LTBP4: variants seen among roughly 807,000 people sequenced by gnomAD.
LTBP4 encodes the protein latent-transforming growth factor beta-binding protein 4.
A neutral mutation model predicts 180.2 loss-of-function variants in LTBP4; 93 were observed. The ratio of observed to expected loss-of-function variants is 0.52; its 90% CI spans 0.44 to 0.61. The LOEUF (loss-of-function observed/expected upper bound fraction) is 0.61. Among genes scored for constraint, LTBP4 ranks in the 20% least tolerant of loss-of-function variants. The pLI is 0.00. For synonymous variants in LTBP4, 947 were observed against 934.5 expected (o/e 1.01, Z -0.24); for missense variants, 2,116 against 2,256.5 (o/e 0.94, Z 1.26).
chr19:40,610,140 C>G lies in LTBP4; in HGVS notation c.1684+269C>G, dbSNP rs1171856874. On this transcript the variant is annotated intron_variant, in intron 11 of 29. Coordinates refer to ENST00000396819, the MANE Select transcript of LTBP4 (RefSeq NM_001042545.2). ...GCTCCGCCCCCACGCCCAGGCCCCG[C>G]CCTTATTGGCCACGCCCCTCCCTGA... 3 of 518,478 alleles carry G rather than the reference C, an allele frequency of 5.8e-6. No homozygotes were observed. The African/African-American group carries it at 5.8e-5, about 10-fold the overall frequency. 32.1% of individuals were successfully genotyped at this position (518,478 alleles called of 1,614,324 possible).
At chr19:40,599,330 C>G, upstream of LTBP4, 1 of 1,611,268 alleles carries the variant, frequency 6.2e-7, no homozygotes, top group African/African-American at 1.3e-5. Context: ...CTCCCCATCC[C>G]TCCCCTCATC....
In LTBP4 at chr19:40,616,315, ATGGGGTGGCT is replaced by A. The variant is rs1568409763; in HGVS notation, c.2813-573_2813-564del. On this transcript the variant is annotated intron_variant, in intron 19 of 29. Coordinates refer to ENST00000396819, the MANE Select transcript of LTBP4 (RefSeq NM_001042545.2). ...TTTAAAAAAAAGAAAAAAAAGCTGG[ATGGGGTGGCT>A]CATGCCTATAATCCCAGCACTTTGG... Among the ~76,000 whole-genome samples, 379 of 118,600 alleles carry A rather than the reference ATGGGGTGGCT, an allele frequency of 3.2e-3. 3 individuals carry two copies. The highest frequency in any genetic ancestry group is 0.015 in the African/African-American group (358 of 23,162). The allele number at this position is 118,600 out of a possible 152,430, so 77.8% of individuals were successfully genotyped here. A position where few individuals can be genotyped will look rare whatever the true frequency, so the allele number is the denominator to read the frequency against.
In LTBP4 at chr19:40,606,610, C is replaced by T. The variant is rs180953059; in HGVS notation, c.991+84C>T. 1.1e-3 allele frequency: 1,673 copies of T among 1,492,130 alleles called. 14 individuals carry two copies. The African/African-American group carries it at 0.018, about 16-fold the overall frequency. The allele number at this position is 1,492,130 out of a possible 1,614,324, so 92.4% of individuals were successfully genotyped here. The stretch of plus-strand genomic sequence containing the variant: ...AGAGCATCCTGGGGCCTTTAATTCC[C>T]TCGGACCCCCCCAGACTCCCGGGTT... On this transcript the variant is annotated intron_variant, in intron 6 of 29. Coordinates refer to ENST00000396819, the MANE Select transcript of LTBP4 (RefSeq NM_001042545.2).
At chr19:40,617,258 G>T (rs762169238) in intron 21 of LTBP4, 33 bp downstream of exon 21, 1 of 1,598,304 alleles carries the variant, frequency 6.3e-7, no homozygotes, top group Admixed American at 1.7e-5. Context: ...TGGGACCAAA[G>T]GGGGTGGGGG....
chr19:40,609,928 C>G lies in LTBP4; in HGVS notation c.1684+57C>G. The stretch of plus-strand genomic sequence containing the variant: ...CACCCCAGGGTCTCGCTCCTGCTCT[C>G]ACTCCAGAGCCTCTCCAGCCCTCCC... On this transcript the variant is annotated intron_variant, in intron 11 of 29. Transcript: ENST00000396819. The surrounding 1 kb of genome is among the most constrained non-coding windows in gnomAD (Gnocchi z 4.9). 1 of 1,468,208 alleles carries G rather than the reference C, an allele frequency of 6.8e-7. No individual in the cohort carries two copies. The allele number at this position is 1,468,208 out of a possible 1,614,324, so 90.9% of individuals were successfully genotyped here.
intron 12 of LTBP4, chr19:40,610,871 G>T: frequency 1.3e-6 from 1 of 789,976 alleles, no homozygotes. Context: ...CATGAAAGAT[G>T]GAGAAGCAGA....
intron 18 of LTBP4, 35 bp downstream of exon 18, chr19:40,614,073 C>G: frequency 6.2e-7 from 1 of 1,606,954 alleles, no homozygotes; most frequent in Non-Finnish European, 8.5e-7. Flanking sequence ...TCCCTCCTCC[C>G]TTCGACTCCC....
chr19:40,595,733 A>G (rs561899268), intron 1 of LTBP4, among the ~76,000 whole-genome samples: 20 of 151,670 alleles, frequency 1.3e-4, no homozygotes, highest in Non-Finnish European at 2.7e-4. Context: ...GTATTTATTT[A>G]TTATTGAGAT....
At chr19:40,599,743 T>A, upstream of LTBP4, 1 of 602,506 alleles carries the variant, frequency 1.7e-6, no homozygotes, top group Non-Finnish European at 2.9e-6. Context: ...GCTCTTCCCA[T>A]CTCTGCATTA....
chr19:40,597,958 G>A (rs1208243891), upstream of LTBP4, among the ~76,000 whole-genome samples: 3 of 152,114 alleles, frequency 2.0e-5, no homozygotes, highest in African/African-American at 4.8e-5. Context: ...AACGGTTGGG[G>A]ATGCTCAAGT....
chr19:40,623,910 A>T, intron 25 of LTBP4, 26 bp from the exon 26 acceptor site: 2 of 1,612,796 alleles, frequency 1.2e-6, no homozygotes, highest in Non-Finnish European at 1.7e-6. Flanking sequence ...GTTGAAGGGG[A>T]TGCCTCTTAA....
chr19:40,606,483 C>T lies in LTBP4; in HGVS notation c.948C>T (p.Cys316=). 6.3e-7 allele frequency: 1 copy of T among 1,578,288 alleles called. No homozygotes were observed. Among genetic ancestry groups the T allele is most frequent in the Non-Finnish European group, 8.6e-7 (1 of 1,163,234 alleles). Residue 316 remains cysteine, a synonymous_variant, in exon 6 of 30, where the codon TGC becomes TGT. Transcript: ENST00000396819. The part of the protein sequence containing the change: ...ANTRGGYTCV[C]PDGFLLDSSR... ...CGCGCGGCGGGTACACGTGTGTGTG[C>T]CCCGACGGCTTTCTGCTCGACTCGT...
At chr19:40,627,402 T>A in intron 28 of LTBP4, 47 bp downstream of exon 28, 1 of 1,454,182 alleles carries the variant, frequency 6.9e-7, no homozygotes, top group Non-Finnish European at 9.0e-7. Flanking sequence ...GGGTGAGGTG[T>A]GCACGGAGAG....
At chr19:40,619,565 G>A in intron 22 of LTBP4, 72 bp downstream of exon 22, 2 of 1,473,098 alleles carry the variant, frequency 1.4e-6, no homozygotes, top group Non-Finnish European at 1.8e-6. Context: ...AATCATTCCT[G>A]ATGTGGACAG....
intron 1 of LTBP4, among the ~76,000 whole-genome samples, chr19:40,604,613 G>A (rs2081445727): frequency 6.6e-6 from 1 of 152,168 alleles, no homozygotes; most frequent in African/African-American, 2.4e-5. Context: ...GGAGACTGAG[G>A]CAGAAGGATT....
chr19:40,627,155 C>T lies in LTBP4; in HGVS notation c.4166C>T (p.Pro1389Leu). ...ALPYDPYPPP[P>L]GPFARREAPY... ...CCCTACGACCCCTACCCACCGCCAC[C>T]TGGGCCCTTCGCCCGCCGGGAGGCT... Residue 1389 changes from proline to leucine, a missense_variant, in exon 28 of 30, where the codon CCT becomes CTT. Pro to Leu is a moderately conservative substitution (Grantham distance 98). Around this residue, in one of 5 missense-constraint regions of LTBP4, gnomAD observed 488 missense variants for 458.8 expected, o/e 1.06. Transcript: ENST00000396819. 1.2e-6 allele frequency: 2 copies of T among 1,612,992 alleles called. No homozygotes were observed. The highest frequency in any genetic ancestry group is 2.7e-5 in the African/African-American group (2 of 75,046).
intron 9 of LTBP4, 101 bp downstream of exon 9, chr19:40,608,704 A>G (rs2081482676): frequency 7.4e-7 from 1 of 1,357,424 alleles, no homozygotes; most frequent in African/African-American, 1.4e-5. Flanking sequence ...CCAGGTCAGG[A>G]GTTCGAGACC....
chr19:40,608,468 AC>A lies in LTBP4; in HGVS notation c.1307-12del, dbSNP rs34097299. 5.0e-6 allele frequency: 8 copies of A among 1,595,670 alleles called. No individual in the cohort carries two copies. Among genetic ancestry groups the A allele is most frequent in the Non-Finnish European group, 6.8e-6 (8 of 1,171,524 alleles). ...GAGGATTTGGGCTCCACTCGTTGAT[AC>A]CCCTTCTTTATCAGGCTTTCTGCCC... On this transcript the variant is annotated splice_polypyrimidine_tract_variant and intron_variant, in intron 8 of 29. Transcript: ENST00000396819.
chr19:40,597,074 G>A (rs1040336316), upstream of LTBP4, among the ~76,000 whole-genome samples: 7 of 152,010 alleles, frequency 4.6e-5, no homozygotes, highest in African/African-American at 1.7e-4. Flanking sequence ...CGCTGGCGGC[G>A]CCGGGCTGTG....
Sources: gnomAD v4.1 joint callset for allele counts (sites outside exome capture counted in the v4.1 genomes callset) on GRCh38, gnomAD v4.1.1 for gene constraint, gnomAD v4.1.1 regional missense constraint, Gnocchi (gnomAD v3.1) non-coding constraint, MANE v1.5 for transcripts, NCBI Gene and HGNC (gene_info 2026-07-23, HGNC 2026-07-21) for gene names.